The following FMO5 variants were observed in gnomAD, a reference collection of about 807,000 sequenced individuals.
The protein encoded by FMO5 is flavin-containing monooxygenase 5.
A neutral mutation model predicts 43.6 loss-of-function variants in FMO5; 51 were observed. The ratio of observed to expected loss-of-function variants is 1.17; its 90% CI spans 0.93 to 1.48. The LOEUF (loss-of-function observed/expected upper bound fraction) is 1.48, where lower values mean the gene tolerates loss of function less well. Among genes scored for constraint, FMO5 ranks in the 40% most tolerant of loss-of-function variants. The pLI is 0.00. For synonymous variants in FMO5, 187 were observed against 216.5 expected (o/e 0.86, Z 1.20); for missense variants, 644 against 643.0 (o/e 1.00, Z -0.02).
rs587671995 is a variant in FMO5, at chr1:147,205,981, C to A, written c.830+2871G>T. ...AACTACCATCAAAGTGAACAGGCAACCTATAAAATGGGAGAAAATTTTTGC... is the reference window on the plus strand; with the variant it reads ...AACTACCATCAAAGTGAACAGGCAAACTATAAAATGGGAGAAAATTTTTGC... On this transcript the variant is annotated intron_variant, in intron 6 of 8. Transcript: ENST00000254090. Among the ~76,000 whole-genome samples the A allele has an allele frequency of 6.4e-4, 98 of 152,068 alleles. 1 individual carries two copies. Among genetic ancestry groups the A allele is most frequent in the Non-Finnish European group, 1.2e-3 (84 of 68,010 alleles).
In FMO5 at chr1:147,211,590, A is replaced by G. The variant is rs189103165; in HGVS notation, c.630+803T>C. ...ACATCTTTATAGAGAAGCATGGCTT[A>G]ATTAAAGTTACTAAAGAACAACCAA... On this transcript the variant is annotated intron_variant, in intron 5 of 8. Transcript: ENST00000254090. 201 of 152,360 alleles carry G rather than the reference A, an allele frequency of 1.3e-3. 1 individual carries two copies. Among genetic ancestry groups the G allele is most frequent in the African/African-American group, 4.7e-3 (197 of 41,586 alleles). The allele number at this position is 152,360 out of a possible 1,614,324, so 9.4% of individuals were successfully genotyped here.
intron 5 of FMO5, 27 bp downstream of exon 5, chr1:147,212,366 C>T (rs753268139): frequency 6.2e-6 from 10 of 1,612,074 alleles, no homozygotes; most frequent in Middle Eastern, 1.6e-4. Context: ...AGTTAAGCAA[C>T]GTAAATAATA....
intron 2 of FMO5, 120 bp downstream of exon 2, chr1:147,224,775 G>T: frequency 5.6e-6 from 5 of 889,916 alleles, no homozygotes; most frequent in Non-Finnish European, 9.0e-6. Context: ...CTCCCAAAGT[G>T]CTAGGATTAC....
intron 3 of FMO5, chr1:147,215,170 A>G (rs1336878519): frequency 1.3e-5 from 2 of 152,252 alleles, no homozygotes; most frequent in African/African-American, 4.8e-5. Context: ...TTTACAAACA[A>G]GAAAATTTTT....
chr1:147,202,143 T>A (rs782425432), intron 6 of FMO5, among the ~76,000 whole-genome samples: 3 of 152,118 alleles, frequency 2.0e-5, no homozygotes, highest in Admixed American at 6.5e-5. Context: ...TTGTTTTCAG[T>A]GAATTATCTT....
chr1:147,214,596 A>T (rs1334776485), intron 3 of FMO5, among the ~76,000 whole-genome samples: 3 of 152,022 alleles, frequency 2.0e-5, no homozygotes, highest in African/African-American at 7.2e-5. Context: ...CTTATTTGGT[A>T]GACTCCTACT....
chr1:147,193,931 G>A (rs1182216590), intron 7 of FMO5, among the ~76,000 whole-genome samples: 9 of 152,048 alleles, frequency 5.9e-5, no homozygotes, highest in African/African-American at 2.2e-4. Context: ...TTCCAACTAT[G>A]TGATCAATTT....
In FMO5 at chr1:147,208,884, G is replaced by A. The variant is rs1227496159; in HGVS notation, c.798C>T (p.Asp266=). ...TAGGCTTCAGGCCAAACATTTCATG[G>A]TCAAACCTTTGGTTTATCTTTTTTT... ...YLEKKINQRF[D]HEMFGLKPKH... The change falls in exon 6 of 9, where the codon GAC becomes GAT. Residue 266 remains aspartate (D), a synonymous_variant. Transcript: ENST00000254090. The A allele has an allele frequency of 6.2e-7, 1 of 1,613,960 alleles. No individual in the cohort carries two copies. Among genetic ancestry groups the A allele is most frequent in the Admixed American group, 1.7e-5 (1 of 59,998 alleles).
At chr1:147,223,354 C>T (rs147724973) in intron 2 of FMO5, among the ~76,000 whole-genome samples, 21 of 152,278 alleles carry the variant, frequency 1.4e-4, no homozygotes, top group African/African-American at 4.8e-4. Flanking sequence ...AATTAGTCCC[C>T]AAAACAGAGT....
chr1:147,213,712 G>C (rs1661464034), intron 3 of FMO5, among the ~76,000 whole-genome samples: 1 of 152,164 alleles, frequency 6.6e-6, no homozygotes, highest in Non-Finnish European at 1.5e-5. Flanking sequence ...CTAGAAAAGT[G>C]CAAGTCACCA....
chr1:147,201,030 T>A (rs1658874086), intron 7 of FMO5, 122 bp downstream of exon 7: 1 of 712,596 alleles, frequency 1.4e-6, no homozygotes, highest in South Asian at 1.9e-5. Context: ...TTTTCTGTAC[T>A]AACTTTGTGC....
intron 2 of FMO5, among the ~76,000 whole-genome samples, chr1:147,222,685 C>T (rs184228557): frequency 6.6e-6 from 1 of 152,284 alleles, no homozygotes. Flanking sequence ...TGATGAAACA[C>T]AGCTTATTTA....
intron 2 of FMO5, among the ~76,000 whole-genome samples, chr1:147,223,153 A>G (rs1279668706): frequency 6.6e-6 from 1 of 152,184 alleles, no homozygotes; most frequent in Admixed American, 6.5e-5. Flanking sequence ...GGTGACAGAA[A>G]TAAGGTTTGA....
chr1:147,217,722 A>G (rs748612785), intron 2 of FMO5, among the ~76,000 whole-genome samples: 7 of 152,232 alleles, frequency 4.6e-5, no homozygotes, highest in Non-Finnish European at 8.8e-5. Flanking sequence ...TGTTTCAACC[A>G]AAGTGTTCTC....
intron 6 of FMO5, among the ~76,000 whole-genome samples, chr1:147,203,079 A>G (rs1553921372): frequency 6.7e-6 from 1 of 149,884 alleles, no homozygotes; most frequent in African/African-American, 2.5e-5. Flanking sequence ...GACTGTCTTC[A>G]TTCCATACTT....
chr1:147,196,960 C>T (rs1268376650), intron 7 of FMO5, among the ~76,000 whole-genome samples: 3 of 152,132 alleles, frequency 2.0e-5, no homozygotes, highest in South Asian at 2.1e-4. Context: ...ACCACAGGCT[C>T]GTACTGACCT....
Position 147,186,976 on chromosome 1 carries a change from G to T in FMO5, c.1526C>A (p.Ser509Tyr), listed in dbSNP as rs1162861810. ...LMTRVVERSS[S>Y]MTSTMTIGKF... ...GCCTATTGTCATTGTTGAAGTCATA[G>T]AACTACTCCTTTCAACTACTCTTGT... Residue 509 changes from serine (S) to tyrosine (Y), a missense_variant, in exon 9 of 9, where the codon TCT becomes TAT. By Grantham distance (144) the Ser-to-Tyr change is moderately radical (BLOSUM62 -2). Coordinates refer to ENST00000254090, the MANE Select transcript of FMO5 (RefSeq NM_001461.4). 6.2e-7 allele frequency: 1 copy of T among 1,614,188 alleles called. No homozygotes were observed. Among genetic ancestry groups the T allele is most frequent in the Admixed American group, 1.7e-5 (1 of 60,024 alleles).
intron 7 of FMO5, among the ~76,000 whole-genome samples, chr1:147,198,673 A>T (rs1483730547): frequency 6.6e-6 from 1 of 151,490 alleles, no homozygotes; most frequent in Non-Finnish European, 1.5e-5. Context: ...ACATGGTGAA[A>T]CCCCGTCTGT....
At chr1:147,224,661 C>T (rs1663685069) in intron 2 of FMO5, among the ~76,000 whole-genome samples, 1 of 152,072 alleles carries the variant, frequency 6.6e-6, no homozygotes, top group African/African-American at 2.4e-5. Flanking sequence ...ATGCACCCGC[C>T]ACCACGCCCG....
Sources: gnomAD v4.1 joint callset for allele counts (sites outside exome capture counted in the v4.1 genomes callset) on GRCh38, gnomAD v4.1.1 for gene constraint, MANE v1.5 for transcripts, NCBI Gene and HGNC (gene_info 2026-07-23, HGNC 2026-07-21) for gene names.